The following TTLL13 variants were observed in gnomAD, a reference collection of about 807,000 sequenced individuals.
The protein encoded by TTLL13 is tubulin tyrosine ligase like 13.
At chr15:90,262,158 C>T in the TTLL13 span, 1 of 1,535,482 alleles carries the variant, frequency 6.5e-7, no homozygotes, top group African/African-American at 1.4e-5. Context: ...TTCCAAGAGA[C>T]TGCTGCTTCC....
At chr15:90,263,285 C>A in the TTLL13 span, 2 of 737,318 alleles carry the variant, frequency 2.7e-6, no homozygotes, top group Non-Finnish European at 4.3e-6. Context: ...GCTAGCTGGA[C>A]CTTGGGAGAG....
At chr15:90,250,656 T>G in the TTLL13 span, 1 of 1,613,988 alleles carries the variant, frequency 6.2e-7, no homozygotes, top group Admixed American at 1.7e-5. Context: ...TGTAGGACCA[T>G]GGAATCAGAG....
the TTLL13 span, chr15:90,259,136 G>A: frequency 1.7e-6 from 2 of 1,203,596 alleles, no homozygotes; most frequent in Non-Finnish European, 2.2e-6. Context: ...GCTGAGGCAG[G>A]AGGATTGCTT....
the TTLL13 span, chr15:90,253,268 G>A: frequency 1.9e-6 from 3 of 1,613,916 alleles, no homozygotes; most frequent in South Asian, 2.2e-5. Context: ...CAGCCCAAAT[G>A]TGTGGCCTGA....
At chr15:90,254,205 A>ATT in the TTLL13 span, among the ~76,000 whole-genome samples, 2,425 of 81,572 alleles carry the variant, frequency 0.03, 61 homozygotes, top group African/African-American at 0.081. Context: ...TTTTTTTTAA[A>ATT]AAAAAAAGGC....
the TTLL13 span, among the ~76,000 whole-genome samples, chr15:90,251,146 C>G: frequency 9.7e-6 from 1 of 102,770 alleles, no homozygotes; most frequent in Non-Finnish European, 1.9e-5. Context: ...CAGAGTCTCG[C>G]TCTGTCGCCC....
At chr15:90,256,583 TTC>T in the TTLL13 span, among the ~76,000 whole-genome samples, 4 of 36,280 alleles carry the variant, frequency 1.1e-4, no homozygotes, top group African/African-American at 2.2e-4. Context: ...CTTTCTTTCT[TTC>T]TTTCTTTCTT....
At chr15:90,257,668 C>CT in the TTLL13 span, 3 of 1,614,220 alleles carry the variant, frequency 1.9e-6, no homozygotes, top group Non-Finnish European at 2.5e-6. Flanking sequence ...ACCAACTATG[C>CT]TATCAACAAA....
chr15:90,255,005 G>C, the TTLL13 span, among the ~76,000 whole-genome samples: 2 of 152,240 alleles, frequency 1.3e-5, no homozygotes, highest in Non-Finnish European at 2.9e-5. Context: ...TTAGGACATG[G>C]AGGGTCAGAA....
chr15:90,257,386 T>C, the TTLL13 span: 1 of 1,467,202 alleles, frequency 6.8e-7, no homozygotes, highest in Non-Finnish European at 9.1e-7. Context: ...GAACAAGGAA[T>C]GAAGCCAGCA....
chr15:90,263,208 G>T, the TTLL13 span: 3 of 1,411,522 alleles, frequency 2.1e-6, no homozygotes, highest in Admixed American at 7.9e-5. Context: ...CCAGGACATG[G>T]TGTTGGTCTC....
the TTLL13 span, chr15:90,256,096 C>T: frequency 6.2e-7 from 1 of 1,604,258 alleles, no homozygotes; most frequent in Admixed American, 1.7e-5. Context: ...CCCGGGAAAG[C>T]CTTGATGCAC....
the TTLL13 span, chr15:90,265,382 A>C: frequency 8.1e-7 from 1 of 1,241,462 alleles, no homozygotes; most frequent in Non-Finnish European, 1.0e-6. Flanking sequence ...CTGCCCACCG[A>C]GGTGGCGGAG....
the TTLL13 span, chr15:90,255,796 A>G: frequency 6.2e-7 from 1 of 1,614,036 alleles, no homozygotes; most frequent in African/African-American, 1.3e-5. Context: ...TCTGCCGCAA[A>G]GATCTGCTGG....
the TTLL13 span, among the ~76,000 whole-genome samples, chr15:90,253,726 A>G: frequency 2.6e-5 from 4 of 152,290 alleles, no homozygotes; most frequent in African/African-American, 9.6e-5. Flanking sequence ...CAGCCTTCTA[A>G]GCAACTTAGT....
At chr15:90,259,389 CAA>C in the TTLL13 span, among the ~76,000 whole-genome samples, 9 of 130,782 alleles carry the variant, frequency 6.9e-5, no homozygotes, top group Non-Finnish European at 5.0e-5. Flanking sequence ...GACCCTGTTT[CAA>C]AAAAAAAAAA....
chr15:90,259,002 G>A, the TTLL13 span: 2 of 1,609,490 alleles, frequency 1.2e-6, no homozygotes, highest in South Asian at 1.1e-5. Flanking sequence ...GATGAAGAAT[G>A]TGGCCTGGGG....
the TTLL13 span, among the ~76,000 whole-genome samples, chr15:90,254,096 G>T: frequency 6.6e-6 from 1 of 152,090 alleles, no homozygotes. Flanking sequence ...GATCAATTCA[G>T]GTCAGGAGTT....
At chr15:90,253,174 C>G in the TTLL13 span, 1 of 1,283,538 alleles carries the variant, frequency 7.8e-7, no homozygotes, top group Non-Finnish European at 1.1e-6. Flanking sequence ...GTATACCTTA[C>G]CTGACCCAGC....
Sources: gnomAD v4.1 joint callset for allele counts (sites outside exome capture counted in the v4.1 genomes callset) on GRCh38, gnomAD v4.1.1 for gene constraint, MANE v1.5 for transcripts, NCBI Gene and HGNC (gene_info 2026-07-23, HGNC 2026-07-21) for gene names.